AFG2A: variants seen among roughly 807,000 people sequenced by gnomAD.
The protein encoded by AFG2A is ATPase family gene 2 protein homolog A.
the AFG2A span, among the ~76,000 whole-genome samples, chr4:123,224,735 A>ATT: frequency 1.3e-5 from 2 of 152,120 alleles, no homozygotes; most frequent in Admixed American, 1.3e-4. Context: ...CAGTAATGGG[A>ATT]TGGCTGGGTC....
chr4:123,182,417 C>A, the AFG2A span, among the ~76,000 whole-genome samples: 7 of 152,252 alleles, frequency 4.6e-5, no homozygotes, highest in African/African-American at 1.7e-4. Context: ...TTCTAACTAA[C>A]CCAATGGTAT....
the AFG2A span, among the ~76,000 whole-genome samples, chr4:123,081,824 G>A: frequency 1.3e-5 from 2 of 152,064 alleles, no homozygotes; most frequent in Non-Finnish European, 2.9e-5. Context: ...CAACTTTCCT[G>A]ATTTTGGCCA....
the AFG2A span, among the ~76,000 whole-genome samples, chr4:123,095,151 T>C: frequency 6.0e-5 from 9 of 150,876 alleles, no homozygotes; most frequent in Admixed American, 6.0e-4. Flanking sequence ...TGATTCCCTC[T>C]TATTTTGAAC....
the AFG2A span, among the ~76,000 whole-genome samples, chr4:123,118,334 ATATATTATATTATATATAT>A: frequency 7.3e-5 from 1 of 13,632 alleles, no homozygotes; most frequent in Admixed American, 5.8e-4. Context: ...TATATAATAT[ATATATTATATTATATATAT>A]TATATATATA....
the AFG2A span, among the ~76,000 whole-genome samples, chr4:123,075,158 C>A: frequency 2.0e-5 from 3 of 151,712 alleles, no homozygotes; most frequent in Admixed American, 6.6e-5. Flanking sequence ...GTTGGCCAGG[C>A]TGGTCTCGAA....
chr4:122,991,469 G>A, the AFG2A span, among the ~76,000 whole-genome samples: 17 of 152,278 alleles, frequency 1.1e-4, no homozygotes, highest in Admixed American at 1.1e-3. Context: ...ACATCATGCT[G>A]GACTATCCTG....
At chr4:122,945,377 G>A in the AFG2A span, among the ~76,000 whole-genome samples, 20 of 152,294 alleles carry the variant, frequency 1.3e-4, no homozygotes, top group Non-Finnish European at 2.2e-4. Context: ...CCTCACTGCC[G>A]CCTTGCAGTT....
the AFG2A span, among the ~76,000 whole-genome samples, chr4:123,312,863 G>T: frequency 4.6e-5 from 7 of 152,198 alleles, no homozygotes; most frequent in East Asian, 1.3e-3. Context: ...CTACTAAACT[G>T]CTTTGGCAGC....
At chr4:123,099,968 T>G in the AFG2A span, among the ~76,000 whole-genome samples, 1 of 151,912 alleles carries the variant, frequency 6.6e-6, no homozygotes, top group African/African-American at 2.4e-5. Flanking sequence ...AAATAATATT[T>G]GATGTTGTCA....
chr4:123,253,008 T>C, the AFG2A span, among the ~76,000 whole-genome samples: 1 of 152,216 alleles, frequency 6.6e-6, no homozygotes, highest in South Asian at 2.1e-4. Flanking sequence ...CATAAGTTGG[T>C]AGACATTTGG....
the AFG2A span, among the ~76,000 whole-genome samples, chr4:123,194,117 A>T: frequency 6.6e-6 from 1 of 152,214 alleles, no homozygotes; most frequent in Non-Finnish European, 1.5e-5. Flanking sequence ...ATAAGTGTTT[A>T]TGAAGCAACA....
chr4:123,250,714 T>A, the AFG2A span, among the ~76,000 whole-genome samples: 12 of 152,166 alleles, frequency 7.9e-5, no homozygotes, highest in Admixed American at 7.9e-4. Context: ...TGATTTGTGT[T>A]TTTTAATAAA....
chr4:123,266,398 G>A, the AFG2A span, among the ~76,000 whole-genome samples: 1 of 151,806 alleles, frequency 6.6e-6, no homozygotes, highest in African/African-American at 2.4e-5. Context: ...TATAACAAGT[G>A]CTCAGTAAAT....
At chr4:123,049,922 T>C in the AFG2A span, among the ~76,000 whole-genome samples, 1 of 152,152 alleles carries the variant, frequency 6.6e-6, no homozygotes, top group Non-Finnish European at 1.5e-5. Context: ...TTTGAAGTCT[T>C]CATATTTCTT....
the AFG2A span, among the ~76,000 whole-genome samples, chr4:123,145,798 C>G: frequency 7.2e-5 from 11 of 152,130 alleles, no homozygotes; most frequent in Admixed American, 6.5e-4. Context: ...AATATGTCTA[C>G]TTGAGAGTGG....
At chr4:123,032,281 A>G in the AFG2A span, among the ~76,000 whole-genome samples, 1 of 152,248 alleles carries the variant, frequency 6.6e-6, no homozygotes, top group African/African-American at 2.4e-5. Context: ...AAAGTAGTGC[A>G]CAATTCAGAG....
the AFG2A span, among the ~76,000 whole-genome samples, chr4:123,075,402 G>A: frequency 2.7e-5 from 4 of 149,876 alleles, no homozygotes; most frequent in Admixed American, 6.6e-5. Flanking sequence ...AGGTTCAAGC[G>A]ATTCTCCTGC....
the AFG2A span, chr4:123,056,492 T>C: frequency 3.9e-5 from 58 of 1,499,572 alleles, no homozygotes; most frequent in Middle Eastern, 1.2e-3. Context: ...CACACTTCTG[T>C]CCTGTGCAGC....
the AFG2A span, among the ~76,000 whole-genome samples, chr4:123,146,678 GT>G: frequency 6.6e-6 from 1 of 152,220 alleles, no homozygotes; most frequent in African/African-American, 2.4e-5. Flanking sequence ...AGATTTCCAG[GT>G]GCTTTTTTAT....
Sources: allele counts gnomAD v4.1 joint callset (sites outside exome capture counted in the v4.1 genomes callset), GRCh38; gene constraint gnomAD v4.1.1; transcripts MANE v1.5; gene names NCBI Gene and HGNC (gene_info 2026-07-23, HGNC 2026-07-21).